The following CCDC30 variants were observed in gnomAD, a reference collection of about 807,000 sequenced individuals.
The protein encoded by CCDC30 is coiled-coil domain containing 30.
CCDC30 carries 70 observed loss-of-function variants against 100.2 expected under a neutral mutation model. The ratio of observed to expected loss-of-function variants is 0.70; its 90% CI spans 0.58 to 0.85. The LOEUF (loss-of-function observed/expected upper bound fraction) is 0.85. CCDC30 is among the 40% of genes least tolerant of loss of function. The pLI is 0.00. For synonymous variants in CCDC30, 233 were observed against 269.5 expected, an observed-to-expected ratio of 0.86 and a Z score of 1.33; for missense variants, 652 against 771.2, an observed-to-expected ratio of 0.85 and a Z score of 1.83.
At chr1:42,505,790 A>AT (rs1171155209) in intron 6 of CCDC30, among the ~76,000 whole-genome samples, 2 of 152,132 alleles carry the variant, frequency 1.3e-5, no homozygotes, top group Non-Finnish European at 1.5e-5. Context: ...AGAAAGTGAC[A>AT]TTTTTTACTG....
At chr1:42,465,033 T>C (rs1643525659) in intron 1 of CCDC30, among the ~76,000 whole-genome samples, 1 of 152,232 alleles carries the variant, frequency 6.6e-6, no homozygotes, top group African/African-American at 2.4e-5. Flanking sequence ...TGTTAGATGC[T>C]ATATTGTAAG....
At chr1:42,523,393 A>G (rs1360775925) in intron 6 of CCDC30, among the ~76,000 whole-genome samples, 1 of 152,118 alleles carries the variant, frequency 6.6e-6, no homozygotes, top group Non-Finnish European at 1.5e-5. Flanking sequence ...TTCCTGTTAG[A>G]ATTTAGAATA....
intron 6 of CCDC30, among the ~76,000 whole-genome samples, chr1:42,499,623 G>A (rs930882510): frequency 5.3e-5 from 8 of 151,996 alleles, no homozygotes; most frequent in African/African-American, 1.4e-4. Context: ...CTATAGGCAT[G>A]CAGCACCACA....
intron 6 of CCDC30, among the ~76,000 whole-genome samples, chr1:42,509,886 C>T (rs143936660): frequency 2.9e-4 from 44 of 152,148 alleles, no homozygotes; most frequent in African/African-American, 9.9e-4. Context: ...AAAAAAAAAC[C>T]GTAAAACTTT....
intron 6 of CCDC30, among the ~76,000 whole-genome samples, chr1:42,564,980 CTCCAAGT>C (rs1225961205): frequency 9.2e-5 from 14 of 152,146 alleles, no homozygotes; most frequent in African/African-American, 3.4e-4. Flanking sequence ...GCATAATGCC[CTCCAAGT>C]TCATTCATGT....
intron 11 of CCDC30, 63 bp downstream of exon 15, chr1:42,611,153 G>A (rs1646615328): frequency 1.1e-6 from 1 of 940,358 alleles, no homozygotes; most frequent in Non-Finnish European, 1.7e-6. Context: ...TTGCTGAGCA[G>A]GCTCTAGGGC....
intron 6 of CCDC30, among the ~76,000 whole-genome samples, chr1:42,538,240 G>A (rs1313897323): frequency 6.6e-6 from 1 of 151,270 alleles, no homozygotes; most frequent in South Asian, 2.1e-4. Context: ...TAAGGTGGGA[G>A]GATCACTTGA....
intron 11 of CCDC30, among the ~76,000 whole-genome samples, chr1:42,635,289 A>C (rs1385371405): frequency 6.6e-6 from 1 of 151,710 alleles, no homozygotes. Context: ...CAAGTGATCC[A>C]CCTGCCTTGG....
At chr1:42,586,613 T>C (rs1324338) in intron 9 of CCDC30, among the ~76,000 whole-genome samples, 91,361 of 151,992 alleles carry the variant, frequency 0.6, 27,936 homozygotes, top group East Asian at 0.81. Context: ...TCATGAGCCA[T>C]GGTGCCCAGC....
intron 6 of CCDC30, chr1:42,537,720 A>T (rs1207543123): frequency 5.9e-6 from 1 of 170,206 alleles, no homozygotes; most frequent in Non-Finnish European, 1.3e-5. Context: ...TTGTAATCCC[A>T]GCACTTTGGG....
chr1:42,479,629 G>T (rs2148452906), intron 1 of CCDC30, among the ~76,000 whole-genome samples: 1 of 150,284 alleles, frequency 6.7e-6, no homozygotes, highest in Middle Eastern at 3.5e-3. Flanking sequence ...GGTGAGGAAT[G>T]CCTGCTCTAA....
chr1:42,457,247 GC>G, the CCDC30 span: 1 of 1,614,008 alleles, frequency 6.2e-7, no homozygotes. Flanking sequence ...CTCTTTGCAG[GC>G]CCTTCTGCGA....
At chr1:42,578,435 A>C (rs1471189700) in intron 8 of CCDC30, among the ~76,000 whole-genome samples, 3 of 152,206 alleles carry the variant, frequency 2.0e-5, no homozygotes, top group African/African-American at 7.2e-5. Context: ...TCGGGGAAGT[A>C]GATACACAAG....
chr1:42,500,574 C>T (rs918604082), intron 6 of CCDC30, among the ~76,000 whole-genome samples: 15 of 152,080 alleles, frequency 9.9e-5, no homozygotes, highest in African/African-American at 2.7e-4. Flanking sequence ...CCACCACGCC[C>T]GGCTAATTTT....
chr1:42,501,307 T>C (rs4584433), intron 6 of CCDC30, among the ~76,000 whole-genome samples: 60,725 of 152,126 alleles, frequency 0.4, 12,705 homozygotes, highest in East Asian at 0.59. Flanking sequence ...TTAAGGTTGG[T>C]GCCTTTATTA....
At chr1:42,645,413 G>T (rs969328233) in intron 14 of CCDC30, among the ~76,000 whole-genome samples, 1 of 152,020 alleles carries the variant, frequency 6.6e-6, no homozygotes, top group Non-Finnish European at 1.5e-5. Context: ...AATACAGAGA[G>T]ATGCAGAAAA....
At chr1:42,560,270 A>T in intron 6 of CCDC30, among the ~76,000 whole-genome samples, 1 of 152,216 alleles carries the variant, frequency 6.6e-6, no homozygotes, top group East Asian at 1.9e-4. Context: ...AAGCTAGCAG[A>T]AGATAAGAAA....
intron 8 of CCDC30, among the ~76,000 whole-genome samples, chr1:42,580,207 A>G (rs1231511579): frequency 3.3e-5 from 5 of 152,250 alleles, no homozygotes; most frequent in Non-Finnish European, 5.9e-5. Flanking sequence ...CTCCCTAGAC[A>G]GAACTAAATA....
At chr1:42,620,023 G>A (rs918908718) in intron 11 of CCDC30, among the ~76,000 whole-genome samples, 1 of 152,054 alleles carries the variant, frequency 6.6e-6, no homozygotes, top group South Asian at 2.1e-4. Context: ...ATCCCTTCTG[G>A]TTGTACAAAA....
Sources: allele counts gnomAD v4.1 joint callset (sites outside exome capture counted in the v4.1 genomes callset), GRCh38; gene constraint gnomAD v4.1.1; transcripts MANE v1.5; gene names NCBI Gene and HGNC (gene_info 2026-07-23, HGNC 2026-07-21).